The following TANC2 variants were observed in gnomAD, a reference collection of about 807,000 sequenced individuals.
TANC2 encodes the protein protein TANC2.
Under a neutral mutation model 210.5 loss-of-function variants are expected in TANC2, and 26 were observed. The ratio of observed to expected loss-of-function variants is 0.12; its 90% CI spans 0.09 to 0.17. The LOEUF (loss-of-function observed/expected upper bound fraction) is 0.17. Ranked by LOEUF, TANC2 falls within the 10% of genes least tolerant of loss-of-function variation. The probability of loss-of-function intolerance (pLI) is 1.00; values close to 1 mark genes in which losing one functional copy is unlikely to be tolerated. For synonymous variants in TANC2, 931 were observed against 967.1 expected, an observed-to-expected ratio of 0.96 and a Z score of 0.69; for missense variants, 2,129 against 2,608.9, an observed-to-expected ratio of 0.82 and a Z score of 4.01.
At chr17:63,385,256 ATTTC>A (rs1283375422) in intron 15 of TANC2, among the ~76,000 whole-genome samples, 1 of 152,112 alleles carries the variant, frequency 6.6e-6, no homozygotes, top group Admixed American at 6.5e-5. Context: ...GACTATGGAT[ATTTC>A]TTAATGCTGA....
At chr17:63,269,146 G>C (rs1238709684) in intron 9 of TANC2, among the ~76,000 whole-genome samples, 3 of 152,202 alleles carry the variant, frequency 2.0e-5, no homozygotes, top group East Asian at 1.9e-4. Flanking sequence ...TAAGCAAACA[G>C]GATTTTAAAA....
At chr17:63,355,387 C>T (rs2046750345) in exon 14 of TANC2, 5 of 1,567,844 alleles carry the variant, frequency 3.2e-6, no homozygotes, top group Admixed American at 1.8e-5. Context: ...CTCTGTGATC[C>T]GAGGTAAGAC....
At chr17:63,422,786 G>T (rs779452353) in exon 28 of TANC2, 1 of 152,152 alleles carries the variant, frequency 6.6e-6, no homozygotes, top group Non-Finnish European at 1.5e-5. Flanking sequence ...GGGAGGGAAT[G>T]AATACATAGA....
At position 63,415,749 on chromosome 17, in the gene TANC2, A is replaced by G. The variant is rs577320695; in HGVS notation, c.4167+75A>G. 3 of 1,543,030 alleles carry G rather than the reference A, an allele frequency of 1.9e-6. No individual in the cohort carries two copies. The African/African-American group carries it at 4.1e-5, about 21-fold the overall frequency. ...CCTGTGTCACTCACTAGCTTTTACCAGGCCCCTGAAATCCTCCTCTGCCCC... is the reference window on the plus strand; with the variant it reads ...CCTGTGTCACTCACTAGCTTTTACCGGGCCCCTGAAATCCTCCTCTGCCCC... On this transcript the variant is annotated intron_variant, in intron 26 of 27. Coordinates refer to ENST00000689528, the Ensembl canonical transcript of TANC2.
At chr17:63,287,611 A>G (rs777883017) in intron 9 of TANC2, among the ~76,000 whole-genome samples, 25 of 152,128 alleles carry the variant, frequency 1.6e-4, no homozygotes, top group Admixed American at 9.2e-4. Flanking sequence ...CCACAGCAGC[A>G]TGTATTCCAG....
chr17:63,158,959 TG>T (rs1419215263), intron 5 of TANC2, among the ~76,000 whole-genome samples: 1 of 152,222 alleles, frequency 6.6e-6, no homozygotes, highest in Non-Finnish European at 1.5e-5. Context: ...TATTCCTCAC[TG>T]GTTTTCACCC....
In TANC2 at chr17:63,249,966, CTGTT is replaced by C. The variant is rs561383442; in HGVS notation, c.1033+11890_1033+11893del. On this transcript the variant is annotated intron_variant, in intron 8 of 27. Transcript: ENST00000689528. ...CTCTAAAATGTTGTATACCAAATGTCTGTTAGATTTCTTCTGCCCACTTGTAGTG... is the reference window on the plus strand; with the variant it reads ...CTCTAAAATGTTGTATACCAAATGTCAGATTTCTTCTGCCCACTTGTAGTG... Among the ~76,000 whole-genome samples the C allele has an allele frequency of 3.1e-3, 473 of 152,258 alleles. 3 individuals carry two copies. Among genetic ancestry groups the C allele is most frequent in the African/African-American group, 0.01 (433 of 41,570 alleles).
chr17:63,213,321 A>G (rs1361241348), intron 7 of TANC2, among the ~76,000 whole-genome samples: 1 of 152,194 alleles, frequency 6.6e-6, no homozygotes, highest in African/African-American at 2.4e-5. Context: ...AAAACACCAC[A>G]AAAGGCAAGG....
At chr17:63,271,631 C>T (rs1362192175) in intron 9 of TANC2, among the ~76,000 whole-genome samples, 1 of 150,674 alleles carries the variant, frequency 6.6e-6, no homozygotes, top group Admixed American at 6.6e-5. Flanking sequence ...CCCAACAGGC[C>T]CCAGTATGTG....
At chr17:63,090,250 A>ATG (rs2037134415) in intron 3 of TANC2, among the ~76,000 whole-genome samples, 1 of 147,466 alleles carries the variant, frequency 6.8e-6, no homozygotes, top group Admixed American at 6.8e-5. Context: ...TCTAGGGTAC[A>ATG]TGTGCACAAT....
At chr17:63,114,966 C>T (rs1567734426) in intron 4 of TANC2, among the ~76,000 whole-genome samples, 1 of 152,112 alleles carries the variant, frequency 6.6e-6, no homozygotes, top group Non-Finnish European at 1.5e-5. Flanking sequence ...ACAGCATAAG[C>T]AACGTTAGAA....
chr17:62,975,587 T>C (rs910848118), intron 1 of TANC2, among the ~76,000 whole-genome samples: 8 of 151,500 alleles, frequency 5.3e-5, no homozygotes, highest in African/African-American at 1.7e-4. Flanking sequence ...GAGACAGACT[T>C]TGTTTGAAAG....
At chr17:63,044,541 G>T (rs941852736) in intron 2 of TANC2, among the ~76,000 whole-genome samples, 6 of 151,950 alleles carry the variant, frequency 3.9e-5, no homozygotes, top group African/African-American at 1.4e-4. Flanking sequence ...TTTTTTGTGT[G>T]TGTGATCATA....
intron 27 of TANC2, 98 bp from the exon 28 acceptor site, chr17:63,419,899 CCA>C: frequency 7.3e-7 from 1 of 1,367,890 alleles, no homozygotes; most frequent in Admixed American, 2.8e-5. Context: ...CCCACAGACG[CCA>C]CCACAGCTCT....
chr17:63,284,535 G>A (rs886689281), intron 9 of TANC2, among the ~76,000 whole-genome samples: 27 of 151,578 alleles, frequency 1.8e-4, no homozygotes, highest in Admixed American at 2.0e-4. Context: ...TGATTTACAT[G>A]TATTTATTTC....
chr17:62,996,082 G>A (rs192861403), intron 1 of TANC2, among the ~76,000 whole-genome samples: 130 of 152,286 alleles, frequency 8.5e-4, no homozygotes, highest in African/African-American at 3.1e-3. Context: ...GTGGACAAAT[G>A]ATTTGTCTTT....
chr17:63,215,863 C>G (rs1465663706), intron 7 of TANC2, among the ~76,000 whole-genome samples: 8 of 152,076 alleles, frequency 5.3e-5, no homozygotes. Flanking sequence ...CATTCTCCTG[C>G]CTCAGCCTCC....
chr17:63,340,779 A>G (rs767822033), intron 12 of TANC2, among the ~76,000 whole-genome samples: 3 of 152,234 alleles, frequency 2.0e-5, no homozygotes, highest in Non-Finnish European at 4.4e-5. Flanking sequence ...AATGCTCTGT[A>G]TAAACCAGAA....
intron 7 of TANC2, among the ~76,000 whole-genome samples, chr17:63,205,645 C>T (rs1259569934): frequency 6.6e-6 from 1 of 152,128 alleles, no homozygotes; most frequent in Admixed American, 6.5e-5. Flanking sequence ...TGGCTCACAC[C>T]TGTAACTTTG....
Sources: allele counts gnomAD v4.1 joint callset (sites outside exome capture counted in the v4.1 genomes callset), GRCh38; gene constraint gnomAD v4.1.1; transcripts MANE v1.5; gene names NCBI Gene and HGNC (gene_info 2026-07-23, HGNC 2026-07-21).